The following CECR2 variants were observed in gnomAD, a reference collection of about 807,000 sequenced individuals.
CECR2 encodes the protein chromatin remodeling regulator CECR2.
Under a neutral mutation model 154.5 loss-of-function variants are expected in CECR2, and 30 were observed. That is an observed-to-expected ratio of 0.19 (90% CI 0.15 to 0.26). The LOEUF (loss-of-function observed/expected upper bound fraction) is 0.26. Ranked by LOEUF, CECR2 falls within the 10% of genes least tolerant of loss-of-function variation. CECR2 has a pLI of 1.00. For synonymous variants in CECR2, 725 were observed against 683.7 expected, an observed-to-expected ratio of 1.06 and a Z score of -0.94; for missense variants, 1,743 against 1,829.3, an observed-to-expected ratio of 0.95 and a Z score of 0.86.
At chr22:17,446,738 G>T (rs59123854) in intron 1 of CECR2, among the ~76,000 whole-genome samples, 42,911 of 151,698 alleles carry the variant, frequency 0.28, 8,373 homozygotes, top group East Asian at 0.54. Flanking sequence ...AAACAAAAAG[G>T]TGGTGCAGAC....
At chr22:17,409,249 C>G (rs1465294072) in intron 1 of CECR2, among the ~76,000 whole-genome samples, 1 of 116,884 alleles carries the variant, frequency 8.6e-6, no homozygotes, top group Non-Finnish European at 2.0e-5. Flanking sequence ...TCGCGTGCCT[C>G]AGCCTTCTGA....
intron 1 of CECR2, among the ~76,000 whole-genome samples, chr22:17,408,889 G>C (rs1372154690): frequency 6.6e-6 from 1 of 152,076 alleles, no homozygotes; most frequent in African/African-American, 2.4e-5. Context: ...TTGCTTAGTG[G>C]GGCCCACGAA....
At chr22:17,485,544 C>T (rs151185525) in intron 2 of CECR2, among the ~76,000 whole-genome samples, 17 of 152,210 alleles carry the variant, frequency 1.1e-4, no homozygotes, top group Admixed American at 7.9e-4. Flanking sequence ...CGAGGCAGGC[C>T]GCTCACATGA....
At chr22:17,505,184 C>T (rs1001626994) in intron 7 of CECR2, among the ~76,000 whole-genome samples, 168 bp downstream of exon 7, 2 of 152,118 alleles carry the variant, frequency 1.3e-5, no homozygotes, top group African/African-American at 2.4e-5. Flanking sequence ...CACCCCCTCT[C>T]CTTCACTGTG....
intron 1 of CECR2, among the ~76,000 whole-genome samples, chr22:17,454,402 A>G (rs767930402): frequency 6.6e-6 from 1 of 151,844 alleles, no homozygotes; most frequent in African/African-American, 2.4e-5. Context: ...TCAGGAGATC[A>G]AGACCATCCT....
chr22:17,497,669 AC>A (rs1569121766), intron 3 of CECR2, 83 bp downstream of exon 3: 1 of 1,380,236 alleles, frequency 7.2e-7, no homozygotes, highest in Non-Finnish European at 1.0e-6. Flanking sequence ...ACCCAAAGAT[AC>A]TAAGCCAGAG....
rs2056750316 is a variant in CECR2 at position 17,554,349 on chromosome 22, AT to A, written c.*1510del. On this transcript the variant is annotated 3_prime_UTR_variant, in exon 19 of 19. Transcript: ENST00000262608. ...GTAGAAGAGTCTCTATGAAATATTA[AT>A]CTGCCCTAGTTTCTTATAAATTCAG... The A allele has an allele frequency of 6.6e-6, 1 of 152,208 alleles. No homozygotes were observed. Among genetic ancestry groups the A allele is most frequent in the Non-Finnish European group, 1.5e-5 (1 of 68,030 alleles). 9.4% of individuals were successfully genotyped at this position (152,208 alleles called of 1,614,324 possible). A position where few individuals can be genotyped will look rare whatever the true frequency, so the allele number is the denominator to read the frequency against.
chr22:17,404,228 C>T (rs867621844), intron 1 of CECR2, among the ~76,000 whole-genome samples: 7 of 144,602 alleles, frequency 4.8e-5, no homozygotes, highest in African/African-American at 1.5e-4. Context: ...CACTGCACTC[C>T]GGCCTGGATG....
At chr22:17,518,737 T>G in intron 8 of CECR2, 1 of 398,666 alleles carries the variant, frequency 2.5e-6, no homozygotes, top group South Asian at 2.1e-5. Context: ...TCCTGCTCCC[T>G]TCTTAACACC....
chr22:17,553,769 G>T lies in CECR2; in HGVS notation c.*929G>T, dbSNP rs187679669. 6.6e-6 allele frequency: 1 copy of T among 152,162 alleles called. No individual in the cohort carries two copies. Among genetic ancestry groups the T allele is most frequent in the East Asian group, 1.9e-4 (1 of 5,190 alleles). 9.4% of individuals were successfully genotyped at this position (152,162 alleles called of 1,614,324 possible). A position where few individuals can be genotyped will look rare whatever the true frequency, so the allele number is the denominator to read the frequency against. ...TAAACCAGTATCAGGAATTGGGATC[G>T]CTAGAGTGTTTCACGTATTAGAAGA... is the stretch of plus-strand genomic sequence containing the variant. On this transcript the variant is annotated 3_prime_UTR_variant, in exon 19 of 19. Transcript: ENST00000262608.
At chr22:17,426,637 G>C (rs573194594) in intron 1 of CECR2, among the ~76,000 whole-genome samples, 5 of 152,246 alleles carry the variant, frequency 3.3e-5, no homozygotes, top group Non-Finnish European at 7.3e-5. Context: ...GATTACAGGC[G>C]TGAGCCACTA....
chr22:17,408,060 C>T (rs1017095617), intron 1 of CECR2, among the ~76,000 whole-genome samples: 1 of 152,114 alleles, frequency 6.6e-6, no homozygotes, highest in Non-Finnish European at 1.5e-5. Context: ...GCAAAATTTA[C>T]ATAACGTAAA....
At chr22:17,446,829 C>T (rs945274000) in intron 1 of CECR2, among the ~76,000 whole-genome samples, 2 of 152,126 alleles carry the variant, frequency 1.3e-5, no homozygotes, top group Non-Finnish European at 2.9e-5. Context: ...AGCAGGTTGC[C>T]GCTGTGAGGT....
chr22:17,375,053 T>C (rs1335062101), intron 1 of CECR2, among the ~76,000 whole-genome samples: 1 of 152,196 alleles, frequency 6.6e-6, no homozygotes, highest in East Asian at 1.9e-4. Flanking sequence ...AAGATCTTTT[T>C]AAAAAACTTC....
At chr22:17,363,446 G>C (rs2062986981) in intron 1 of CECR2, among the ~76,000 whole-genome samples, 1 of 152,060 alleles carries the variant, frequency 6.6e-6, no homozygotes, top group African/African-American at 2.4e-5. Flanking sequence ...CTGACCTTAT[G>C]ATCCGCCTGC....
chr22:17,543,726 A>G (rs2056567470), intron 16 of CECR2, among the ~76,000 whole-genome samples: 1 of 151,220 alleles, frequency 6.6e-6, no homozygotes, highest in Admixed American at 6.6e-5. Flanking sequence ...CACCCGGCTA[A>G]TTTTTATATT....
At chr22:17,541,671 A>G (rs183238109) in intron 14 of CECR2, among the ~76,000 whole-genome samples, 168 bp from the exon 15 acceptor site, 7 of 152,308 alleles carry the variant, frequency 4.6e-5, no homozygotes, top group Non-Finnish European at 7.4e-5. Context: ...CTCATAGGCA[A>G]GCCCTGATGC....
chr22:17,485,362 C>G (rs1342866954), intron 2 of CECR2, among the ~76,000 whole-genome samples: 1 of 152,126 alleles, frequency 6.6e-6, no homozygotes, highest in Non-Finnish European at 1.5e-5. Flanking sequence ...AACAGTTTTC[C>G]TTGAAAACAG....
At chr22:17,489,921 C>A (rs551152757) in intron 2 of CECR2, among the ~76,000 whole-genome samples, 44 of 146,580 alleles carry the variant, frequency 3.0e-4, no homozygotes, top group Non-Finnish European at 5.4e-4. Flanking sequence ...TGTTTTTGAG[C>A]CTTTTTTCAA....
Sources: gnomAD v4.1 joint callset for allele counts (sites outside exome capture counted in the v4.1 genomes callset) on GRCh38, gnomAD v4.1.1 for gene constraint, MANE v1.5 for transcripts, NCBI Gene and HGNC (gene_info 2026-07-23, HGNC 2026-07-21) for gene names.